IQSEC1: variants seen among roughly 807,000 people sequenced by gnomAD.
The protein encoded by IQSEC1 is IQ motif and Sec7 domain ArfGEF 1.
Under a neutral mutation model 91.0 loss-of-function variants are expected in IQSEC1, and 31 were observed. That is an observed-to-expected ratio of 0.34 (90% confidence interval 0.26 to 0.46). The LOEUF (loss-of-function observed/expected upper bound fraction) is 0.46. IQSEC1 is among the 20% of genes least tolerant of loss of function. IQSEC1 has a pLI of 1.00. For missense variants in IQSEC1, 1,388 were observed against 1,575.6 expected (o/e 0.88, Z 2.02); for synonymous variants, 699 against 662.6 (o/e 1.05, Z -0.84).
rs1229411978 is a variant in IQSEC1 at position 12,908,979 on chromosome 3, CAG to C, written c.2578+292_2578+293del. Among the ~76,000 whole-genome samples, 1 of 152,116 alleles carries C rather than the reference CAG, an allele frequency of 6.6e-6. No homozygotes were observed. Among genetic ancestry groups the C allele is most frequent in the Non-Finnish European group, 1.5e-5 (1 of 68,020 alleles). ...GCCTGATGCAGAAGATGACGAGGTG[CAG>C]AGAGGCCAGCTGGGAACTCTGCGGG... On this transcript the variant is annotated intron_variant, in intron 11 of 13. Transcript: ENST00000613206. The surrounding 1 kb of genome is among the most constrained non-coding windows in gnomAD (Gnocchi z 4.9).
At chr3:13,076,231 G>C (rs1471294632), upstream of IQSEC1, among the ~76,000 whole-genome samples, 2 of 152,190 alleles carry the variant, frequency 1.3e-5, no homozygotes, top group Admixed American at 1.3e-4. Context: ...CTAAGGCACA[G>C]TGGGAACCTA....
rs1392625411 is a variant in IQSEC1 at position 12,992,253 on chromosome 3, G to A, written c.24-50388C>T. On this transcript the variant is annotated intron_variant, in intron 1 of 13. Transcript: ENST00000613206. The surrounding 1 kb of genome is among the most constrained non-coding windows in gnomAD (Gnocchi z 4.1). ...CTCTAACACAGTAGGGTGGCTCCGG[G>A]ATGCTCCCTCCGGCACTGATGCTTA... is the stretch of plus-strand genomic sequence containing the variant. Among the ~76,000 whole-genome samples the A allele has an allele frequency of 6.7e-6, 1 of 150,200 alleles. No individual in the cohort carries two copies. Among genetic ancestry groups the A allele is most frequent in the Non-Finnish European group, 1.5e-5 (1 of 67,890 alleles).
rs572384001 is a variant in IQSEC1 at position 13,073,129 on chromosome 3, G to T, written c.-115C>A. The T allele has an allele frequency of 6.1e-6, 8 of 1,303,304 alleles. No homozygotes were observed. Among genetic ancestry groups the T allele is most frequent in the Non-Finnish European group, 7.6e-6 (7 of 925,354 alleles). 80.7% of individuals were successfully genotyped at this position (1,303,304 alleles called of 1,614,324 possible). A position where few individuals can be genotyped will look rare whatever the true frequency, so the allele number is the denominator to read the frequency against. The stretch of plus-strand genomic sequence containing the variant: ...AAGTGGAGGGGAATAAAATTAAATC[G>T]CGGGGCGAGTCACATTCCCGGGGGT... On this transcript the variant is annotated 5_prime_UTR_variant, in exon 1 of 14. Transcript: ENST00000613206.
chr3:12,911,548 G>A (rs1695558438), intron 10 of IQSEC1, 81 bp downstream of exon 10: 1 of 1,089,500 alleles, frequency 9.2e-7, no homozygotes, highest in Non-Finnish European at 1.4e-6. Flanking sequence ...GCCCCCCGCG[G>A]TTCTGTCCTC....
chr3:13,171,504 T>G (rs1476254113), intron 1 of IQSEC1, among the ~76,000 whole-genome samples: 1 of 152,128 alleles, frequency 6.6e-6, no homozygotes, highest in Non-Finnish European at 1.5e-5. Context: ...CAACCACTTC[T>G]ACACCCCCAG....
chr3:13,127,721 G>C (rs1005305215), intron 2 of IQSEC1, among the ~76,000 whole-genome samples: 2 of 152,120 alleles, frequency 1.3e-5, no homozygotes, highest in Non-Finnish European at 2.9e-5. Flanking sequence ...TAAGCCTAAA[G>C]ATCAACTCGG....
At chr3:13,053,489 C>T (rs1704767467) in intron 1 of IQSEC1, among the ~76,000 whole-genome samples, 1 of 152,240 alleles carries the variant, frequency 6.6e-6, no homozygotes, top group Non-Finnish European at 1.5e-5. Context: ...TGAGCTGTCT[C>T]AGCCAGACGA....
chr3:13,077,718 A>G (rs1705585029), upstream of IQSEC1, among the ~76,000 whole-genome samples: 1 of 152,178 alleles, frequency 6.6e-6, no homozygotes, highest in Non-Finnish European at 1.5e-5. Flanking sequence ...AAGCAGCCGG[A>G]AGCAATTATC....
At chr3:13,097,683 A>G (rs1006924525) in intron 2 of IQSEC1, among the ~76,000 whole-genome samples, 2 of 152,242 alleles carry the variant, frequency 1.3e-5, no homozygotes, top group African/African-American at 4.8e-5. Flanking sequence ...CTACATTTTA[A>G]TAAGCTGCTT....
chr3:12,945,580 G>C (rs965787513), intron 1 of IQSEC1, among the ~76,000 whole-genome samples: 1 of 139,636 alleles, frequency 7.2e-6, no homozygotes, highest in East Asian at 2.1e-4. Flanking sequence ...CCAAAAAAAA[G>C]AAATGGCTGG....
At chr3:13,231,384 TTC>T (rs1412942236) in intron 1 of IQSEC1, among the ~76,000 whole-genome samples, 1 of 152,206 alleles carries the variant, frequency 6.6e-6, no homozygotes. Context: ...TGAAATTTAT[TTC>T]TCACAGGTTG....
In IQSEC1 at chr3:12,979,487, A is replaced by T. The variant is rs1701350118; in HGVS notation, c.24-37622T>A. Among the ~76,000 whole-genome samples the T allele has an allele frequency of 6.6e-6, 1 of 152,236 alleles. No individual in the cohort carries two copies. Among genetic ancestry groups the T allele is most frequent in the Admixed American group, 6.5e-5 (1 of 15,288 alleles). On this transcript the variant is annotated intron_variant, in intron 1 of 13. Transcript: ENST00000613206. This position sits in a 1 kb window ranked among gnomAD's most constrained non-coding sequence, Gnocchi z 4.3. ...GATTTGGGTTACAAAAAAGGCGGAC[A>T]CATGCACGCAGCACGCGCACACACA...
intron 2 of IQSEC1, among the ~76,000 whole-genome samples, chr3:13,163,412 C>T (rs187529617): frequency 2.6e-5 from 4 of 152,300 alleles, no homozygotes; most frequent in African/African-American, 4.8e-5. Context: ...GCCTCTCCTT[C>T]GCATCCCCAG....
intron 1 of IQSEC1, among the ~76,000 whole-genome samples, chr3:13,263,417 C>CTT (rs869042445): frequency 1.7e-4 from 18 of 103,352 alleles, no homozygotes; most frequent in Middle Eastern, 6.2e-3. Flanking sequence ...GTACCTGACA[C>CTT]TTTTTTTTTT....
intron 1 of IQSEC1, among the ~76,000 whole-genome samples, chr3:13,054,106 C>T (rs371580087): frequency 5.3e-5 from 8 of 152,342 alleles, no homozygotes; most frequent in Middle Eastern, 3.4e-3. Context: ...GCCTGGCAGG[C>T]GTTCCCCTGC....
At chr3:13,098,904 C>T (rs551530294) in intron 2 of IQSEC1, among the ~76,000 whole-genome samples, 2 of 152,344 alleles carry the variant, frequency 1.3e-5, no homozygotes, top group South Asian at 4.1e-4. Context: ...AATACACTAA[C>T]ATCCACGGAA....
In IQSEC1 at chr3:12,935,486, G is replaced by A; in HGVS notation, c.1530C>T (p.Arg510=). ...TCAGGCCGATGCGGTAGTGCCTCTT[G>A]CGGATGACATCGTTGCTAAAGGCAG... is the stretch of plus-strand genomic sequence containing the variant. ...DSPAFSNDVI[R]KRHYRIGLNL... Residue 510 remains arginine, a synonymous_variant, in exon 3 of 14, where the codon CGC becomes CGT. Transcript: ENST00000613206. The surrounding 1 kb of genome is among the most constrained non-coding windows in gnomAD (Gnocchi z 8.0). 1 of 1,613,752 alleles carries A rather than the reference G, an allele frequency of 6.2e-7. No homozygotes were observed. The highest frequency in any genetic ancestry group is 8.5e-7 in the Non-Finnish European group (1 of 1,179,730).
rs71306031 is a variant in IQSEC1, at chr3:12,954,203, C to T, written c.24-12338G>A. Among the ~76,000 whole-genome samples the T allele has an allele frequency of 7.7e-4, 117 of 152,302 alleles. 1 individual carries two copies. Among genetic ancestry groups the T allele is most frequent in the Non-Finnish European group, 1.5e-3 (102 of 68,028 alleles). ...TCAGCCTGCAGGGGCCAGGCCACAC[C>T]CTCCACGGCTGCTGTGAGACCCTCT... On this transcript the variant is annotated intron_variant, in intron 1 of 13. Transcript: ENST00000613206.
chr3:13,043,790 C>T (rs79122486), intron 1 of IQSEC1, among the ~76,000 whole-genome samples: 80 of 152,306 alleles, frequency 5.3e-4, no homozygotes, highest in African/African-American at 1.9e-3. Context: ...AGAGGCACCA[C>T]ACTCACCCCC....
Sources: allele counts gnomAD v4.1 joint callset (sites outside exome capture counted in the v4.1 genomes callset), GRCh38; gene constraint gnomAD v4.1.1; non-coding constraint Gnocchi (gnomAD v3.1); transcripts MANE v1.5; gene names NCBI Gene and HGNC (gene_info 2026-07-23, HGNC 2026-07-21).